Variants in PFDN4 observed in about 807,000 individuals in gnomAD.
The protein encoded by PFDN4 is prefoldin subunit 4.
Under a neutral mutation model 17.6 loss-of-function variants are expected in PFDN4, and 6 were observed. That is an observed-to-expected ratio of 0.34 (90% CI 0.19 to 0.67). The LOEUF (loss-of-function observed/expected upper bound fraction) is 0.67. Ranked by LOEUF, PFDN4 falls within the 30% of genes least tolerant of loss-of-function variation. The pLI, the probability that PFDN4 is intolerant of heterozygous loss-of-function variation, is 0.68. For synonymous variants in PFDN4, 48 were observed against 51.1 expected (o/e 0.94, Z 0.26); for missense variants, 119 against 158.4 (o/e 0.75, Z 1.33).
intron 3 of PFDN4, among the ~76,000 whole-genome samples, chr20:54,216,730 C>G (rs989038488): frequency 6.6e-6 from 1 of 152,114 alleles, no homozygotes; most frequent in African/African-American, 2.4e-5. Context: ...AATCTCGGCT[C>G]ACTGCAACGT....
intron 3 of PFDN4, among the ~76,000 whole-genome samples, chr20:54,216,814 G>A (rs1456113492): frequency 1.3e-5 from 2 of 151,680 alleles, no homozygotes; most frequent in African/African-American, 4.8e-5. Context: ...CCACCACCAC[G>A]CCCAGCTAAT....
At chr20:54,209,378 C>G (rs2092752731) in intron 1 of PFDN4, among the ~76,000 whole-genome samples, 1 of 152,128 alleles carries the variant, frequency 6.6e-6, no homozygotes, top group Non-Finnish European at 1.5e-5. Flanking sequence ...GCCATCTGTG[C>G]CTGGTGTAGG....
At chr20:54,208,306 T>C (rs1427407786) in intron 1 of PFDN4, 182 bp downstream of exon 1, 3 of 513,174 alleles carry the variant, frequency 5.8e-6, no homozygotes, top group Non-Finnish European at 9.6e-6. Context: ...CTGAGCGTTT[T>C]CCTAGGCACC....
At chr20:54,216,416 G>A (rs1405860509) in intron 3 of PFDN4, among the ~76,000 whole-genome samples, 1 of 152,146 alleles carries the variant, frequency 6.6e-6, no homozygotes, top group East Asian at 1.9e-4. Flanking sequence ...CATTTAGTAA[G>A]TCTTCAGAAG....
At chr20:54,213,803 TC>T (rs1236129132) in intron 1 of PFDN4, among the ~76,000 whole-genome samples, 1 of 152,246 alleles carries the variant, frequency 6.6e-6, no homozygotes, top group Admixed American at 6.5e-5. Context: ...TCAATTTTCA[TC>T]ATTTTTTAGT....
chr20:54,217,637 G>A (rs1433102615), intron 3 of PFDN4, among the ~76,000 whole-genome samples: 1 of 152,178 alleles, frequency 6.6e-6, no homozygotes, highest in East Asian at 1.9e-4. Context: ...GTGGGCTATA[G>A]TTTGCCCACT....
rs1024608482 is a variant in PFDN4 at position 54,219,529 on chromosome 20, G to A, written c.*379G>A. 1.2e-4 allele frequency: 47 copies of A among 391,728 alleles called. 1 individual carries two copies. The highest frequency in any genetic ancestry group is 2.1e-4 in the Non-Finnish European group (47 of 223,402). 24.3% of individuals were successfully genotyped at this position (391,728 alleles called of 1,614,324 possible). A position where few individuals can be genotyped will look rare whatever the true frequency, so the allele number is the denominator to read the frequency against. ...TAATTGCTGTCTAATGACGGGGAAA[G>A]CACGATGAAAAGATGTACAATCCTG... On this transcript the variant is annotated 3_prime_UTR_variant, in exon 4 of 4. Coordinates refer to ENST00000371419, the MANE Select transcript of PFDN4 (RefSeq NM_002623.4).
At chr20:54,215,228 C>A (rs1022503396) in intron 2 of PFDN4, 72 bp from the exon 3 acceptor site, 1 of 1,141,368 alleles carries the variant, frequency 8.8e-7, no homozygotes, top group African/African-American at 1.5e-5. Context: ...TTGCTGTCCC[C>A]AAATTACAAT....
intron 3 of PFDN4, among the ~76,000 whole-genome samples, chr20:54,218,176 CTT>C (rs11365330): frequency 0.022 from 2,899 of 129,190 alleles, 37 homozygotes; most frequent in Non-Finnish European, 0.025. Flanking sequence ...AACTTAATGG[CTT>C]TTTTTTTTTT....
At position 54,219,484 on chromosome 20, in the gene PFDN4, A is replaced by G; in HGVS notation, c.*334A>G. The G allele has an allele frequency of 2.6e-6, 1 of 383,302 alleles. No homozygotes were observed. The highest frequency in any genetic ancestry group is 4.6e-6 in the Non-Finnish European group (1 of 219,528). 23.7% of individuals were successfully genotyped at this position (383,302 alleles called of 1,614,324 possible). On this transcript the variant is annotated 3_prime_UTR_variant, in exon 4 of 4. Transcript: ENST00000371419. ...CATAAGAAAATTTAACAGTTGTGTCATGTTGTTTCTGTCTGATTTTAATTG... is the reference window on the plus strand; with the variant it reads ...CATAAGAAAATTTAACAGTTGTGTCGTGTTGTTTCTGTCTGATTTTAATTG...
intron 3 of PFDN4, among the ~76,000 whole-genome samples, chr20:54,216,941 G>A (rs1358052389): frequency 6.6e-6 from 1 of 152,164 alleles, no homozygotes; most frequent in African/African-American, 2.4e-5. Flanking sequence ...GATTACAGGC[G>A]TGAGCCACCA....
intron 3 of PFDN4, among the ~76,000 whole-genome samples, chr20:54,217,886 TA>T (rs1264532061): frequency 6.6e-6 from 1 of 152,222 alleles, no homozygotes; most frequent in African/African-American, 2.4e-5. Flanking sequence ...CAGGGCTTGT[TA>T]AAAATCCAGG....
chr20:54,214,529 A>G lies in PFDN4; in HGVS notation c.132+71A>G, dbSNP rs754777342. The G allele has an allele frequency of 1.2e-3, 809 of 669,858 alleles. 1 individual carries two copies. Among genetic ancestry groups the G allele is most frequent in the Non-Finnish European group, 1.8e-3 (697 of 383,404 alleles). 41.5% of individuals were successfully genotyped at this position (669,858 alleles called of 1,614,324 possible). ...GCTACTAAAACTGAACTCAGTTAAC[A>G]AGTGAATATATATTTCTCTGGGCTG... On this transcript the variant is annotated intron_variant, in intron 2 of 3. Coordinates refer to ENST00000371419, the MANE Select transcript of PFDN4 (RefSeq NM_002623.4).
chr20:54,218,676 G>T (rs2092765880), intron 3 of PFDN4, among the ~76,000 whole-genome samples: 1 of 152,108 alleles, frequency 6.6e-6, no homozygotes, highest in African/African-American at 2.4e-5. Context: ...TTTGTTGTTG[G>T]AAAAAGCTGG....
chr20:54,212,695 G>T (rs2092757611), intron 1 of PFDN4, among the ~76,000 whole-genome samples: 1 of 152,182 alleles, frequency 6.6e-6, no homozygotes, highest in African/African-American at 2.4e-5. Flanking sequence ...GCCTGTTGGG[G>T]GTTCAATATT....
chr20:54,212,650 G>A (rs753061401), intron 1 of PFDN4, among the ~76,000 whole-genome samples: 5 of 152,260 alleles, frequency 3.3e-5, no homozygotes, highest in African/African-American at 1.2e-4. Flanking sequence ...GAATGGCTCT[G>A]TTGAGCCCTC....
intron 1 of PFDN4, among the ~76,000 whole-genome samples, chr20:54,209,399 GC>G (rs2092752763): frequency 6.6e-6 from 1 of 152,076 alleles, no homozygotes; most frequent in East Asian, 1.9e-4. Context: ...GTGACCCATT[GC>G]CCCCTTTTAT....
intron 1 of PFDN4, among the ~76,000 whole-genome samples, chr20:54,210,867 A>T (rs995929913): frequency 6.6e-6 from 1 of 152,204 alleles, no homozygotes; most frequent in South Asian, 2.1e-4. Flanking sequence ...CTCTTGTCAC[A>T]GTGCATGGCG....
intron 1 of PFDN4, among the ~76,000 whole-genome samples, chr20:54,211,583 G>A (rs1342051338): frequency 6.6e-6 from 1 of 152,130 alleles, no homozygotes; most frequent in Non-Finnish European, 1.5e-5. Context: ...CCAAAGAATT[G>A]GGTAATTTGC....
Sources: gnomAD v4.1 joint callset for allele counts (sites outside exome capture counted in the v4.1 genomes callset) on GRCh38, gnomAD v4.1.1 for gene constraint, MANE v1.5 for transcripts, NCBI Gene and HGNC (gene_info 2026-07-23, HGNC 2026-07-21) for gene names.